Variants in ZC3H4 observed in about 807,000 individuals in gnomAD.
ZC3H4 encodes the protein zinc finger CCCH-type containing 4, also known as zinc finger CCCH domain-containing protein 4.
A neutral mutation model predicts 108.3 loss-of-function variants in ZC3H4; 13 were observed. That is an observed-to-expected ratio of 0.12 (90% CI 0.08 to 0.19). The LOEUF (loss-of-function observed/expected upper bound fraction) is 0.19. ZC3H4 is among the 10% of genes least tolerant of loss of function. The probability of loss-of-function intolerance (pLI) is 1.00; values close to 1 mark genes in which losing one functional copy is unlikely to be tolerated. For synonymous variants in ZC3H4, 917 were observed against 749.6 expected, an observed-to-expected ratio of 1.22 and a Z score of -3.65; for missense variants, 1,734 against 1,838.8, an observed-to-expected ratio of 0.94 and a Z score of 1.04.
rs370321651 is a variant in ZC3H4, at chr19:47,072,319, C to T, written c.1802+33G>A. 11 of 1,601,788 alleles carry T rather than the reference C, an allele frequency of 6.9e-6. No homozygotes were observed. The highest frequency in any genetic ancestry group is 1.3e-5 in the African/African-American group (1 of 74,564). On this transcript the variant is annotated intron_variant, in intron 12 of 14. Transcript: ENST00000253048. The surrounding 1 kb of genome is among the most constrained non-coding windows in gnomAD (Gnocchi z 5.6). Reference sequence around the variant, plus strand: ...AGCCTGGCTGGGCCCAGGACAGCGCCCACTGCCTGTCACGGGGGTCCAGGG... The same window carrying T: ...AGCCTGGCTGGGCCCAGGACAGCGCTCACTGCCTGTCACGGGGGTCCAGGG...
Position 47,072,158 on chromosome 19 carries a change from C to A in ZC3H4, c.1803-37G>T, listed in dbSNP as rs1423303952. On this transcript the variant is annotated intron_variant, in intron 12 of 14. Coordinates refer to ENST00000253048, the MANE Select transcript of ZC3H4 (RefSeq NM_015168.2). This position sits in a 1 kb window ranked among gnomAD's most constrained non-coding sequence, Gnocchi z 5.6. ...AAAAGGTGCCTGTGACGGAAGCTGC[C>A]GAGGAGGGCAGTGGCCACACCCCAG... 1.1e-5 allele frequency: 17 copies of A among 1,486,200 alleles called. No homozygotes were observed. The highest frequency in any genetic ancestry group is 1.4e-5 in the Non-Finnish European group (16 of 1,118,648). 92.1% of individuals were successfully genotyped at this position (1,486,200 alleles called of 1,614,324 possible).
intron 4 of ZC3H4, among the ~76,000 whole-genome samples, chr19:47,092,934 C>T (rs1334701959): frequency 2.0e-5 from 3 of 152,012 alleles, no homozygotes; most frequent in Admixed American, 6.6e-5. Flanking sequence ...AGATGATTTG[C>T]GGCCGGGCGC....
intron 11 of ZC3H4, among the ~76,000 whole-genome samples, chr19:47,073,550 C>A (rs112158638): frequency 5.9e-5 from 9 of 152,156 alleles, no homozygotes; most frequent in African/African-American, 2.2e-4. Flanking sequence ...CCAGCCTGAG[C>A]GACAGAGCCA....
chr19:47,093,200 A>G (rs1186935137), intron 4 of ZC3H4, among the ~76,000 whole-genome samples: 1 of 127,006 alleles, frequency 7.9e-6, no homozygotes, highest in Non-Finnish European at 1.6e-5. Flanking sequence ...TGGGCGACAG[A>G]GTGAGACTCT....
At position 47,072,799 on chromosome 19, in the gene ZC3H4, G is replaced by A; in HGVS notation, c.1441-86C>T. 6.7e-7 allele frequency: 1 copy of A among 1,501,346 alleles called. No homozygotes were observed. Among genetic ancestry groups the A allele is most frequent in the Non-Finnish European group, 9.0e-7 (1 of 1,108,486 alleles). The allele number at this position is 1,501,346 out of a possible 1,614,324, so 93.0% of individuals were successfully genotyped here. A position where few individuals can be genotyped will look rare whatever the true frequency, so the allele number is the denominator to read the frequency against. ...CAGGTCTGAGAGCTGAAGTTTATGA[G>A]GAAAAGTCCATAATACAAGGACCTT... On this transcript the variant is annotated intron_variant, in intron 11 of 14. Transcript: ENST00000253048. This position sits in a 1 kb window ranked among gnomAD's most constrained non-coding sequence, Gnocchi z 5.6.
rs778540261 is a variant in ZC3H4 at position 47,069,235 on chromosome 19, G to C, written c.2255C>G (p.Pro752Arg). The C allele has an allele frequency of 6.2e-7, 1 of 1,613,480 alleles. No individual in the cohort carries two copies. Among genetic ancestry groups the C allele is most frequent in the Non-Finnish European group, 8.5e-7 (1 of 1,179,912 alleles). Reference protein sequence around the residue: ...SFSEGGPPGRPKPGAGVPDFL... With the variant: ...SFSEGGPPGRRKPGAGVPDFL... ...GTCAGGGACACCGGCGCCTGGCTTC[G>C]GCCGGCCTGGGGGCCCTCCCTCAGA... Residue 752 changes from proline (P) to arginine (R), a missense_variant, in exon 14 of 15, where the codon CCG (proline) becomes CGG (arginine). Pro to Arg is a moderately radical substitution (Grantham distance 103). Coordinates refer to ENST00000253048, the MANE Select transcript of ZC3H4 (RefSeq NM_015168.2).
chr19:47,065,210 C>G lies in ZC3H4; in HGVS notation c.*1146G>C, dbSNP rs1371353260. 1 of 152,348 alleles carries G rather than the reference C, an allele frequency of 6.6e-6. No homozygotes were observed. Among genetic ancestry groups the G allele is most frequent in the Non-Finnish European group, 1.5e-5 (1 of 68,082 alleles). 9.4% of individuals were successfully genotyped at this position (152,348 alleles called of 1,614,324 possible). Reference sequence around the variant, plus strand: ...ATCCCCTGGCTGCAGGGTTCCCACTCAGTCCGTTTCTTAAGTGTCCACAAA... The same window carrying G: ...ATCCCCTGGCTGCAGGGTTCCCACTGAGTCCGTTTCTTAAGTGTCCACAAA... On this transcript the variant is annotated 3_prime_UTR_variant, in exon 15 of 15. Coordinates refer to ENST00000253048, the MANE Select transcript of ZC3H4 (RefSeq NM_015168.2).
intron 6 of ZC3H4, 23 bp from the exon 7 acceptor site, chr19:47,085,437 C>T: frequency 1.3e-6 from 2 of 1,542,008 alleles, no homozygotes; most frequent in Non-Finnish European, 1.7e-6. Context: ...GAGGAGAGGG[C>T]AGGAGAGCGT....
rs764544678 is a variant in ZC3H4 at position 47,066,724 on chromosome 19, C to T, written c.3544G>A (p.Ala1182Thr). 6.2e-7 allele frequency: 1 copy of T among 1,607,136 alleles called. No homozygotes were observed. The highest frequency in any genetic ancestry group is 1.7e-4 in the Middle Eastern group (1 of 6,046). ...KGAEGNGKSS[A>T]SKAKEPPFVR... ...AACGGGGGCTCCTTAGCCTTGGAGG[C>T]CGAGCTCTTGCCATTGCCCTCAGCA... is the stretch of plus-strand genomic sequence containing the variant. The change falls in exon 15 of 15, where the codon GCC becomes ACC. Residue 1182 changes from alanine (A) to threonine (T), a missense_variant. Physicochemically the swap from Ala to Thr is moderately conservative, Grantham distance 58. Coordinates refer to ENST00000253048, the MANE Select transcript of ZC3H4 (RefSeq NM_015168.2).
chr19:47,112,413 G>T lies in ZC3H4; in HGVS notation c.161+11C>A, dbSNP rs2058052161. On this transcript the variant is annotated intron_variant, in intron 2 of 14. Transcript: ENST00000253048. Reference sequence around the variant, plus strand: ...CCGGGGACGCAGCCCCGGCCCAACCGGGGGCCTGACCTGTCGTCAGGGAGC... The same window carrying T: ...CCGGGGACGCAGCCCCGGCCCAACCTGGGGCCTGACCTGTCGTCAGGGAGC... The T allele has an allele frequency of 8.1e-7, 1 of 1,234,160 alleles. No homozygotes were observed. Among genetic ancestry groups the T allele is most frequent in the South Asian group, 4.1e-5 (1 of 24,560 alleles). The allele number at this position is 1,234,160 out of a possible 1,614,324, so 76.5% of individuals were successfully genotyped here.
chr19:47,073,089 A>G (rs1398977434), intron 11 of ZC3H4, among the ~76,000 whole-genome samples: 1 of 152,160 alleles, frequency 6.6e-6, no homozygotes, highest in Admixed American at 6.5e-5. Flanking sequence ...TCTGGCCAAC[A>G]TGGCAAAACC....
At position 47,066,636 on chromosome 19, in the gene ZC3H4, G is replaced by C. The variant is rs745499950; in HGVS notation, c.3632C>G (p.Pro1211Arg). 6.2e-7 allele frequency: 1 copy of C among 1,611,952 alleles called. No homozygotes were observed. The highest frequency in any genetic ancestry group is 2.2e-5 in the East Asian group (1 of 44,842). ...TGKAGADGGT[P>R]TDRYNSYNRP... ...GTTGTAGCTGTTGTATCTGTCCGTG[G>C]GGGTGCCCCCATCAGCACCGGCCTT... The change falls in exon 15 of 15, where the codon CCC becomes CGC. Residue 1211 changes from proline (P) to arginine (R), a missense_variant. This residue lies in a region of ZC3H4 where 518 missense variants were observed against 499.6 expected (regional missense o/e 1.04). Transcript: ENST00000253048.
At position 47,107,988 on chromosome 19, in the gene ZC3H4, CCAGA is replaced by C. The variant is rs371247771; in HGVS notation, c.161+4432_161+4435del. Among the ~76,000 whole-genome samples the C allele has an allele frequency of 4.3e-3, 651 of 152,286 alleles. 4 individuals carry two copies. Among genetic ancestry groups the C allele is most frequent in the African/African-American group, 0.014 (601 of 41,564 alleles). ...TATCCCCATGAACTTGACATGCCAC[CCAGA>C]CAAACTGGCAGCTTTTCCATCCTAT... On this transcript the variant is annotated intron_variant, in intron 2 of 14. Coordinates refer to ENST00000253048, the MANE Select transcript of ZC3H4 (RefSeq NM_015168.2).
At chr19:47,081,208 T>G (rs538670591) in intron 11 of ZC3H4, among the ~76,000 whole-genome samples, 77 of 152,286 alleles carry the variant, frequency 5.1e-4, no homozygotes, top group African/African-American at 1.7e-3. Flanking sequence ...TATTGTGAGC[T>G]CTCTCTAAAT....
In ZC3H4 at chr19:47,067,931, A is replaced by T. The variant is rs2057248550; in HGVS notation, c.2399-62T>A. The T allele has an allele frequency of 6.8e-7, 1 of 1,478,734 alleles. No individual in the cohort carries two copies. Among genetic ancestry groups the T allele is most frequent in the African/African-American group, 1.4e-5 (1 of 71,832 alleles). The allele number at this position is 1,478,734 out of a possible 1,614,324, so 91.6% of individuals were successfully genotyped here. ...GCGCATCCACCACCCGCCCTCTTGG[A>T]TCCCACAGCAGCCCACCGTGAGCAG... On this transcript the variant is annotated intron_variant, in intron 14 of 14. Transcript: ENST00000253048. The surrounding 1 kb of genome is among the most constrained non-coding windows in gnomAD (Gnocchi z 6.4).
In ZC3H4 at chr19:47,067,217, C is replaced by T. The variant is rs376892625; in HGVS notation, c.3051G>A (p.Thr1017=). Reference sequence around the variant, plus strand: ...GCTGCCGGGCGTTGGGGGGCCCTGCCGTGGCAGCGCGGTGCAGCCGGGGGT... The same window carrying T: ...GCTGCCGGGCGTTGGGGGGCCCTGCTGTGGCAGCGCGGTGCAGCCGGGGGT... ...TLDPRLHRAA[T]AGPPNARQRP... Residue 1017 remains threonine (T), a synonymous_variant, in exon 15 of 15, where the codon ACG becomes ACA. Transcript: ENST00000253048. The surrounding 1 kb of genome is among the most constrained non-coding windows in gnomAD (Gnocchi z 6.4). 495 of 1,607,884 alleles carry T rather than the reference C, an allele frequency of 3.1e-4. No individual in the cohort carries two copies. Among genetic ancestry groups the T allele is most frequent in the Non-Finnish European group, 4.0e-4 (472 of 1,177,334 alleles).
chr19:47,067,197 C>T lies in ZC3H4; in HGVS notation c.3071G>A (p.Arg1024Gln), dbSNP rs773964751. ...ATCCGTGGAGGCGCCCGGGCGCTGCCGGGCGTTGGGGGGCCCTGCCGTGGC... is the reference window on the plus strand; with the variant it reads ...ATCCGTGGAGGCGCCCGGGCGCTGCTGGGCGTTGGGGGGCCCTGCCGTGGC... ...RAATAGPPNA[R>Q]QRPGASTDSS... The change falls in exon 15 of 15, where the codon CGG becomes CAG. Residue 1024 changes from arginine (R) to glutamine (Q), a missense_variant. Physicochemically the swap from Arg to Gln is conservative, Grantham distance 43. Around this residue, in one of 9 missense-constraint regions of ZC3H4, gnomAD observed 518 missense variants for 499.6 expected, o/e 1.04. Transcript: ENST00000253048. The surrounding 1 kb of genome is among the most constrained non-coding windows in gnomAD (Gnocchi z 6.4). 2.5e-6 allele frequency: 4 copies of T among 1,610,508 alleles called. No individual in the cohort carries two copies. Among genetic ancestry groups the T allele is most frequent in the African/African-American group, 1.3e-5 (1 of 74,752 alleles).
intron 13 of ZC3H4, 94 bp from the exon 14 acceptor site, chr19:47,069,437 G>A (rs2057286923): frequency 2.0e-6 from 3 of 1,472,234 alleles, no homozygotes; most frequent in Non-Finnish European, 2.7e-6. Context: ...CACACCGATG[G>A]CGATGGAGAA....
At chr19:47,069,756 A>T (rs1160641715) in intron 13 of ZC3H4, among the ~76,000 whole-genome samples, 2 of 152,164 alleles carry the variant, frequency 1.3e-5, no homozygotes, top group Non-Finnish European at 2.9e-5. Context: ...TCTTTCTAAC[A>T]ATCAGTAAGG....
Sources: allele counts gnomAD v4.1 joint callset (sites outside exome capture counted in the v4.1 genomes callset), GRCh38; gene constraint gnomAD v4.1.1; regional missense constraint gnomAD v4.1.1; non-coding constraint Gnocchi (gnomAD v3.1); transcripts MANE v1.5; gene names NCBI Gene and HGNC (gene_info 2026-07-23, HGNC 2026-07-21).